Variants in IRS1 observed in about 807,000 individuals in gnomAD.
The protein encoded by IRS1 is insulin receptor substrate 1.
Under a neutral mutation model 65.6 loss-of-function variants are expected in IRS1, and 34 were observed. That is an observed-to-expected ratio of 0.52 (90% CI 0.39 to 0.69). IRS1 has a LOEUF of 0.69. Among genes scored for constraint, IRS1 ranks in the 30% least tolerant of loss-of-function variants. The pLI, the probability that IRS1 is intolerant of heterozygous loss-of-function variation, is 0.00. For synonymous variants in IRS1, 699 were observed against 683.5 expected (o/e 1.02, Z -0.35); for missense variants, 1,641 against 1,720.2 (o/e 0.95, Z 0.81).
intron 1 of IRS1, among the ~76,000 whole-genome samples, chr2:226,757,221 A>T (rs989957801): frequency 6.6e-6 from 1 of 152,190 alleles, no homozygotes; most frequent in Non-Finnish European, 1.5e-5. Context: ...TCACTACTAG[A>T]GGATGGTACG....
At chr2:226,752,141 T>C (rs561238768) in intron 1 of IRS1, among the ~76,000 whole-genome samples, 1 of 152,206 alleles carries the variant, frequency 6.6e-6, no homozygotes, top group Non-Finnish European at 1.5e-5. Flanking sequence ...GGATTCCTTG[T>C]GCAGGTAGCT....
chr2:226,738,538 C>T (rs546773749), intron 1 of IRS1, among the ~76,000 whole-genome samples: 2 of 152,156 alleles, frequency 1.3e-5, no homozygotes, highest in Admixed American at 1.3e-4. Context: ...TAAAAACAAA[C>T]AAAAAAGGAA....
intron 1 of IRS1, among the ~76,000 whole-genome samples, chr2:226,771,450 G>A (rs1164727327): frequency 6.6e-6 from 1 of 152,130 alleles, no homozygotes; most frequent in Non-Finnish European, 1.5e-5. Context: ...GAAATTCATA[G>A]GACAGTTTTA....
chr2:226,781,866 A>G lies in IRS1; in HGVS notation c.*21+13123T>C, dbSNP rs770963909. ...CTTGCCCTCCTCCTCACCCCTAAAT[A>G]CACACACACACACACACACACACAC... is the stretch of plus-strand genomic sequence containing the variant. On this transcript the variant is annotated intron_variant, in intron 1 of 1. Transcript: ENST00000305123. Among the ~76,000 whole-genome samples, 75 of 54,470 alleles carry G rather than the reference A, an allele frequency of 1.4e-3. 1 individual carries two copies. The highest frequency in any genetic ancestry group is 3.7e-4 in the Non-Finnish European group (11 of 29,466). 35.7% of individuals were successfully genotyped at this position (54,470 alleles called of 152,430 possible). A position where few individuals can be genotyped will look rare whatever the true frequency, so the allele number is the denominator to read the frequency against.
rs745668220 is a variant in IRS1 at position 226,797,949 on chromosome 2, A to C, written c.790T>G (p.Phe264Val). The change falls in exon 1 of 2, where the codon TTC (phenylalanine) becomes GTC (valine). Residue 264 changes from phenylalanine to valine, a missense_variant. Physicochemically the swap from Phe to Val is conservative, Grantham distance 50. Coordinates refer to ENST00000305123, the MANE Select transcript of IRS1 (RefSeq NM_005544.3). The surrounding 1 kb of genome is among the most constrained non-coding windows in gnomAD (Gnocchi z 8.1). ...LEAMRAMSDE[F>V]RPRSKSQSSS... The stretch of plus-strand genomic sequence containing the variant: ...GACTGGCTCTTGCTGCGAGGGCGGA[A>C]CTCATCACTCATGGCCCGCATGGCC... 1.9e-6 allele frequency: 3 copies of C among 1,613,590 alleles called. No homozygotes were observed. The highest frequency in any genetic ancestry group is 2.5e-6 in the Non-Finnish European group (3 of 1,179,906).
At chr2:226,739,057 C>CTG (rs1319800726) in intron 1 of IRS1, among the ~76,000 whole-genome samples, 1 of 152,120 alleles carries the variant, frequency 6.6e-6, no homozygotes, top group Non-Finnish European at 1.5e-5. Context: ...TCACTGGGTG[C>CTG]TGAAATCTGT....
At chr2:226,783,934 G>T (rs1043532485) in intron 1 of IRS1, among the ~76,000 whole-genome samples, 3 of 152,064 alleles carry the variant, frequency 2.0e-5, no homozygotes, top group Non-Finnish European at 4.4e-5. Context: ...GGGTCAGTCT[G>T]CTGGGGACAC....
At chr2:226,772,618 C>G (rs564497000) in intron 1 of IRS1, among the ~76,000 whole-genome samples, 12 of 150,982 alleles carry the variant, frequency 7.9e-5, no homozygotes, top group Middle Eastern at 3.2e-3. Context: ...ATGACAGGAC[C>G]TTATCAAGAC....
chr2:226,754,021 T>A (rs932032362), intron 1 of IRS1, among the ~76,000 whole-genome samples: 3 of 152,104 alleles, frequency 2.0e-5, no homozygotes, highest in Non-Finnish European at 4.4e-5. Flanking sequence ...CCTGCCTAAT[T>A]ATTTTTATTT....
At chr2:226,746,335 C>A (rs1481032144) in intron 1 of IRS1, among the ~76,000 whole-genome samples, 1 of 152,072 alleles carries the variant, frequency 6.6e-6, no homozygotes, top group East Asian at 1.9e-4. Flanking sequence ...TTTCCAAATT[C>A]TTTTCCCCAA....
At chr2:226,765,524 C>T (rs1939015628) in intron 1 of IRS1, among the ~76,000 whole-genome samples, 1 of 152,160 alleles carries the variant, frequency 6.6e-6, no homozygotes, top group Non-Finnish European at 1.5e-5. Context: ...ACAAAGTTGA[C>T]TAATATTGCT....
chr2:226,741,826 CAT>C lies in IRS1; in HGVS notation c.*22-5578_*22-5577del, dbSNP rs1491009576. On this transcript the variant is annotated intron_variant, in intron 1 of 1. Coordinates refer to ENST00000305123, the MANE Select transcript of IRS1 (RefSeq NM_005544.3). ...ACACACACACACACACACACACACACATAACACACACACACATATTATCATCA... is the reference window on the plus strand; with the variant it reads ...ACACACACACACACACACACACACACAACACACACACACATATTATCATCA... Among the ~76,000 whole-genome samples the C allele has an allele frequency of 2.4e-3, 296 of 125,100 alleles. 2 individuals carry two copies. Among genetic ancestry groups the C allele is most frequent in the African/African-American group, 8.6e-3 (286 of 33,138 alleles). The allele number at this position is 125,100 out of a possible 152,430, so 82.1% of individuals were successfully genotyped here.
intron 1 of IRS1, among the ~76,000 whole-genome samples, chr2:226,762,090 T>G (rs1480619609): frequency 1.3e-5 from 2 of 152,188 alleles, no homozygotes; most frequent in Non-Finnish European, 2.9e-5. Flanking sequence ...AAGGTTCATT[T>G]TGTTCCAACA....
intron 1 of IRS1, among the ~76,000 whole-genome samples, chr2:226,762,983 C>G (rs965307904): frequency 6.6e-6 from 1 of 152,110 alleles, no homozygotes; most frequent in Admixed American, 6.5e-5. Context: ...AATACTCTTG[C>G]GATCATCCAG....
chr2:226,777,335 T>A (rs566122951), intron 1 of IRS1, among the ~76,000 whole-genome samples: 1 of 152,358 alleles, frequency 6.6e-6, no homozygotes, highest in Admixed American at 6.5e-5. Context: ...AAAATGCTAT[T>A]GAGTTAAAAA....
intron 1 of IRS1, among the ~76,000 whole-genome samples, chr2:226,791,309 C>A (rs1939590745): frequency 6.6e-6 from 1 of 152,144 alleles, no homozygotes; most frequent in Non-Finnish European, 1.5e-5. Context: ...CTCCCTCCTG[C>A]TCGCGGATCT....
At position 226,795,274 on chromosome 2, in the gene IRS1, C is replaced by T; in HGVS notation, c.3465G>A (p.Glu1155=). ...SFENVWLRPG[E]LGGAPKEPAK... The stretch of plus-strand genomic sequence containing the variant: ...CTGGCTCCTTGGGGGCTCCCCCAAG[C>T]TCCCCAGGCCTCAGCCACACATTCT... The change falls in exon 1 of 2, where the codon GAG becomes GAA. Residue 1155 remains glutamate (E), a synonymous_variant. Transcript: ENST00000305123. 6.2e-7 allele frequency: 1 copy of T among 1,613,924 alleles called. No individual in the cohort carries two copies. Among genetic ancestry groups the T allele is most frequent in the South Asian group, 1.1e-5 (1 of 91,090 alleles).
At chr2:226,746,551 G>C (rs1938550134) in intron 1 of IRS1, among the ~76,000 whole-genome samples, 1 of 152,042 alleles carries the variant, frequency 6.6e-6, no homozygotes, top group African/African-American at 2.4e-5. Context: ...GGCAGACAAT[G>C]GTGCAAATTT....
chr2:226,749,485 G>C (rs1014065478), intron 1 of IRS1, among the ~76,000 whole-genome samples: 1 of 152,148 alleles, frequency 6.6e-6, no homozygotes, highest in Admixed American at 6.5e-5. Flanking sequence ...GCAGAGGTGG[G>C]AGGATTGCTA....
Sources: gnomAD v4.1 joint callset for allele counts (sites outside exome capture counted in the v4.1 genomes callset) on GRCh38, gnomAD v4.1.1 for gene constraint, Gnocchi (gnomAD v3.1) non-coding constraint, MANE v1.5 for transcripts, NCBI Gene and HGNC (gene_info 2026-07-23, HGNC 2026-07-21) for gene names.